ILDR1: variants seen among roughly 807,000 people sequenced by gnomAD.
ILDR1 encodes immunoglobulin-like domain-containing receptor 1.
Under a neutral mutation model 62.4 loss-of-function variants are expected in ILDR1, and 56 were observed. That is an observed-to-expected ratio of 0.90 (90% CI 0.72 to 1.12). The LOEUF (loss-of-function observed/expected upper bound fraction) is 1.12, where lower values mean the gene tolerates loss of function less well. Among genes scored for constraint, ILDR1 ranks in the 50% most tolerant of loss-of-function variants. The pLI, the probability that ILDR1 is intolerant of heterozygous loss-of-function variation, is 0.00. For synonymous variants in ILDR1, 284 were observed against 277.8 expected (o/e 1.02, Z -0.22); for missense variants, 736 against 710.6 (o/e 1.04, Z -0.41).
chr3:121,992,143 AT>A lies in ILDR1; in HGVS notation c.1599+1006del, dbSNP rs558228108. Among the ~76,000 whole-genome samples, 153 of 150,662 alleles carry A rather than the reference AT, an allele frequency of 1.0e-3. 1 individual carries two copies. The highest frequency in any genetic ancestry group is 5.9e-3 in the South Asian group (28 of 4,740). Reference sequence around the variant, plus strand: ...TGTCATTTGGATGTATTAATTATAAATTTTTTTTTTGAGACAGAGTTTTGCT... The same window carrying A: ...TGTCATTTGGATGTATTAATTATAAATTTTTTTTTGAGACAGAGTTTTGCT... On this transcript the variant is annotated intron_variant, in intron 7 of 7. Coordinates refer to ENST00000344209, the MANE Select transcript of ILDR1 (RefSeq NM_001199799.2).
At chr3:122,011,496 T>C (rs1246844033) in intron 1 of ILDR1, among the ~76,000 whole-genome samples, 7 of 151,918 alleles carry the variant, frequency 4.6e-5, no homozygotes, top group African/African-American at 1.7e-4. Flanking sequence ...TATCTTCTCT[T>C]CTATTTCATC....
At chr3:122,005,025 CA>C (rs1406478056) in intron 3 of ILDR1, among the ~76,000 whole-genome samples, 1 of 152,222 alleles carries the variant, frequency 6.6e-6, no homozygotes, top group Non-Finnish European at 1.5e-5. Flanking sequence ...TAGATAGCAA[CA>C]GAACAACCTC....
intron 7 of ILDR1, among the ~76,000 whole-genome samples, chr3:121,991,299 C>A (rs760204190): frequency 6.6e-6 from 1 of 152,092 alleles, no homozygotes; most frequent in African/African-American, 2.4e-5. Flanking sequence ...TACAAGAAGT[C>A]ACATAATTTA....
the ILDR1 span, among the ~76,000 whole-genome samples, chr3:122,043,313 C>T: frequency 6.6e-6 from 1 of 151,396 alleles, no homozygotes; most frequent in Non-Finnish European, 1.5e-5. Context: ...GTTTTGGTTA[C>T]TGTAGCCTTG....
chr3:122,011,283 A>G (rs546045241), intron 1 of ILDR1, among the ~76,000 whole-genome samples: 12 of 152,186 alleles, frequency 7.9e-5, no homozygotes, highest in African/African-American at 2.9e-4. Context: ...GGTCAGAAAA[A>G]GGAATTTGGT....
At chr3:122,010,035 G>T (rs934971135) in intron 1 of ILDR1, among the ~76,000 whole-genome samples, 1 of 152,232 alleles carries the variant, frequency 6.6e-6, no homozygotes, top group African/African-American at 2.4e-5. Flanking sequence ...GAAAGGAAAT[G>T]ATTTAACCTA....
At chr3:122,055,390 G>A in the ILDR1 span, 3 of 1,206,060 alleles carry the variant, frequency 2.5e-6, 1 homozygote, top group South Asian at 1.2e-5. Context: ...CTTGCACAGG[G>A]TGAAAGCTTT....
At chr3:122,047,722 C>T in the ILDR1 span, among the ~76,000 whole-genome samples, 1 of 152,214 alleles carries the variant, frequency 6.6e-6, no homozygotes, top group African/African-American at 2.4e-5. Flanking sequence ...AAGGGAACTC[C>T]CTGACCCCTT....
upstream of ILDR1, among the ~76,000 whole-genome samples, chr3:122,024,568 G>T (rs2071905292): frequency 6.6e-6 from 1 of 152,094 alleles, no homozygotes; most frequent in Non-Finnish European, 1.5e-5. Flanking sequence ...CTGCTTCTCT[G>T]TCTACTGTGT....
intron 1 of ILDR1, among the ~76,000 whole-genome samples, chr3:122,013,423 T>C (rs769295057): frequency 6.6e-6 from 1 of 152,104 alleles, no homozygotes; most frequent in African/African-American, 2.4e-5. Flanking sequence ...GGCAGTGGCC[T>C]GGGACTGACA....
the ILDR1 span, among the ~76,000 whole-genome samples, chr3:122,036,343 A>G: frequency 2.0e-5 from 3 of 152,108 alleles, no homozygotes; most frequent in Non-Finnish European, 4.4e-5. Flanking sequence ...TAATCCCAGC[A>G]CTTTGGGAGG....
At chr3:121,994,424 T>C in intron 5 of ILDR1, 111 bp from the exon 6 acceptor site, 1 of 1,277,558 alleles carries the variant, frequency 7.8e-7, no homozygotes, top group Non-Finnish European at 1.0e-6. Flanking sequence ...CTCTTGTCCA[T>C]TCTCACCTAT....
At chr3:122,021,888 G>A (rs2071860991) in intron 1 of ILDR1, 132 bp downstream of exon 1, 2 of 801,248 alleles carry the variant, frequency 2.5e-6, no homozygotes, top group East Asian at 5.5e-5. Flanking sequence ...ACCTCCTGGC[G>A]CCCATGCCAA....
the ILDR1 span, among the ~76,000 whole-genome samples, chr3:122,040,737 G>GAAAAAAAAAAAAAAAAAAAAAAAAAA: frequency 8.0e-6 from 1 of 124,816 alleles, no homozygotes; most frequent in Non-Finnish European, 1.7e-5. Flanking sequence ...AAAAAAAAAA[G>GAAAAAAAAAAAAAAAAAAAAAAAAAA]AAAAAAAAAA....
At chr3:122,031,672 C>A in the ILDR1 span, among the ~76,000 whole-genome samples, 1 of 152,086 alleles carries the variant, frequency 6.6e-6, no homozygotes, top group Non-Finnish European at 1.5e-5. Context: ...CATGTAAGAA[C>A]TCAGAGAGAA....
At chr3:122,047,235 G>A in the ILDR1 span, among the ~76,000 whole-genome samples, 2 of 151,866 alleles carry the variant, frequency 1.3e-5, no homozygotes, top group East Asian at 1.9e-4. Context: ...CTGCTCGGGG[G>A]TCAGGGGTCA....
At chr3:122,029,511 A>AAATAT in the ILDR1 span, among the ~76,000 whole-genome samples, 531 of 139,488 alleles carry the variant, frequency 3.8e-3, 5 homozygotes, top group Middle Eastern at 0.011. Context: ...GTCTAAAAAA[A>AAATAT]ATATATATAT....
the ILDR1 span, among the ~76,000 whole-genome samples, chr3:122,033,510 T>C: frequency 5.9e-5 from 9 of 152,116 alleles, no homozygotes; most frequent in Admixed American, 3.3e-4. Context: ...TAAAGTTTAA[T>C]TTATCAATCT....
Position 122,001,669 on chromosome 3 carries a change from T to G in ILDR1, c.499+76A>C, listed in dbSNP as rs1042522028. 4.9e-4 allele frequency: 370 copies of G among 748,826 alleles called. 1 individual carries two copies. In the East Asian group the frequency reaches 0.028, roughly 57 times the overall value. 46.4% of individuals were successfully genotyped at this position (748,826 alleles called of 1,614,324 possible). On this transcript the variant is annotated intron_variant, in intron 4 of 7. Transcript: ENST00000344209. ...GAACTTAGGCTTGCTTATTTCTGGT[T>G]TTTTTTTTTTTTTCCTGTGAGTAAA...
Sources: allele counts gnomAD v4.1 joint callset (sites outside exome capture counted in the v4.1 genomes callset), GRCh38; gene constraint gnomAD v4.1.1; transcripts MANE v1.5; gene names NCBI Gene and HGNC (gene_info 2026-07-23, HGNC 2026-07-21).